The following SPTSSB variants were observed in gnomAD, a reference collection of about 807,000 sequenced individuals.
SPTSSB encodes androgen down regulated in mouse prostate.
Under a neutral mutation model 7.7 loss-of-function variants are expected in SPTSSB, and 6 were observed. The ratio of observed to expected loss-of-function variants is 0.78; its 90% CI spans 0.43 to 1.54. The LOEUF (loss-of-function observed/expected upper bound fraction) is 1.54. Among genes scored for constraint, SPTSSB ranks in the 40% most tolerant of loss-of-function variants. The pLI, the probability that SPTSSB is intolerant of heterozygous loss-of-function variation, is 0.01. For missense variants in SPTSSB, 91 were observed against 93.0 expected (o/e 0.98, Z 0.09); for synonymous variants, 28 against 29.7 (o/e 0.94, Z 0.19).
intron 2 of SPTSSB, among the ~76,000 whole-genome samples, chr3:161,357,782 C>CAA (rs34084737): frequency 0.012 from 1,866 of 150,092 alleles, 44 homozygotes; most frequent in African/African-American, 0.043. Context: ...AGCCACAAGC[C>CAA]AAAAAAAAAT....
rs1314458910 is a variant in SPTSSB at position 161,346,297 on chromosome 3, A to G, written c.27T>C (p.Tyr9=). The G allele has an allele frequency of 6.2e-7, 1 of 1,613,524 alleles. No homozygotes were observed. Among genetic ancestry groups the G allele is most frequent in the East Asian group, 2.2e-5 (1 of 44,850 alleles). The part of the protein sequence containing the change: MDLRRVKE[Y]FSWLYYQYQI... ...GGTATTGATAGTAGAGCCAGGAGAA[A>G]TATTCCTTCACACGCCTCAAATCCA... Residue 9 remains tyrosine (Y), a synonymous_variant, in exon 3 of 3, where the codon TAT becomes TAC. Coordinates refer to ENST00000620149, the MANE Select transcript of SPTSSB (RefSeq NM_001040100.2).
intron 2 of SPTSSB, among the ~76,000 whole-genome samples, chr3:161,357,251 T>C (rs920254665): frequency 6.6e-6 from 1 of 152,222 alleles, no homozygotes; most frequent in Non-Finnish European, 1.5e-5. Context: ...ATAAATCGCT[T>C]AGATTTTATA....
chr3:161,369,302 CTTTCTTTCTTTCTCTT>C (rs1560108960), intron 1 of SPTSSB, among the ~76,000 whole-genome samples: 3 of 57,776 alleles, frequency 5.2e-5, no homozygotes, highest in Non-Finnish European at 8.6e-5. Flanking sequence ...TTCTTTCTTT[CTTTCTTTCTTTCTCTT>C]TCTTTCTTTC....
intron 1 of SPTSSB, among the ~76,000 whole-genome samples, chr3:161,366,913 G>A (rs982534883): frequency 3.3e-5 from 5 of 152,166 alleles, no homozygotes; most frequent in African/African-American, 4.8e-5. Flanking sequence ...AGTGGCTCAC[G>A]TCTATAATCC....
At chr3:161,359,651 A>G (rs62279924) in intron 2 of SPTSSB, 151 bp downstream of exon 2, 35,698 of 842,636 alleles carry the variant, frequency 0.042, 824 homozygotes, top group Middle Eastern at 0.055. Context: ...ATTCCTTTGT[A>G]TCATCTCAAA....
At chr3:161,371,344 T>C (rs1715501252) in intron 1 of SPTSSB, 91 bp downstream of exon 1, 3 of 823,524 alleles carry the variant, frequency 3.6e-6, no homozygotes, top group Non-Finnish European at 4.4e-6. Context: ...GCATTAAAGC[T>C]CAGTATTAAT....
intron 2 of SPTSSB, among the ~76,000 whole-genome samples, chr3:161,355,399 A>T (rs1714726744): frequency 6.6e-6 from 1 of 152,232 alleles, no homozygotes; most frequent in African/African-American, 2.4e-5. Context: ...TTAAAGGTGT[A>T]TCCACATTCA....
Position 161,345,239 on chromosome 3 carries a change from A to G in SPTSSB, c.*854T>C, listed in dbSNP as rs1714157387. The stretch of plus-strand genomic sequence containing the variant: ...GCTGGTAGAATATTACTTCCAGCCT[A>G]TTTATTAGCTTGTCTTCCGGTGGCC... On this transcript the variant is annotated 3_prime_UTR_variant, in exon 3 of 3. Coordinates refer to ENST00000620149, the MANE Select transcript of SPTSSB (RefSeq NM_001040100.2). 1.3e-5 allele frequency: 2 copies of G among 152,568 alleles called. No individual in the cohort carries two copies. The highest frequency in any genetic ancestry group is 4.8e-5 in the African/African-American group (2 of 41,448). The allele number at this position is 152,568 out of a possible 1,614,324, so 9.5% of individuals were successfully genotyped here.
At position 161,371,479 on chromosome 3, in the gene SPTSSB, G is replaced by T. The variant is rs1715514204; in HGVS notation, c.-170C>A. 3.0e-6 allele frequency: 3 copies of T among 985,406 alleles called. No homozygotes were observed. The highest frequency in any genetic ancestry group is 2.4e-6 in the Non-Finnish European group (2 of 830,022). The allele number at this position is 985,406 out of a possible 1,614,324, so 61.0% of individuals were successfully genotyped here. A position where few individuals can be genotyped will look rare whatever the true frequency, so the allele number is the denominator to read the frequency against. On this transcript the variant is annotated 5_prime_UTR_variant, in exon 1 of 3. Coordinates refer to ENST00000620149, the MANE Select transcript of SPTSSB (RefSeq NM_001040100.2). ...CCCTGCGGCTTAGGTGAGCGCCGAG[G>T]CTTTGGCTCCTCCCCAGCTGCTGCG...
intron 1 of SPTSSB, among the ~76,000 whole-genome samples, chr3:161,361,363 G>A (rs1490386371): frequency 2.6e-5 from 4 of 152,242 alleles, no homozygotes; most frequent in Admixed American, 1.3e-4. Context: ...TATGCATCAG[G>A]AGGCAGGTTT....
intron 2 of SPTSSB, among the ~76,000 whole-genome samples, chr3:161,353,105 C>A (rs559093741): frequency 6.6e-6 from 1 of 152,176 alleles, no homozygotes; most frequent in East Asian, 1.9e-4. Context: ...ATTCCAAAAT[C>A]TTCTTGTGTC....
rs541832402 is a variant in SPTSSB at position 161,346,483 on chromosome 3, T to C, written c.-32-128A>G. The C allele has an allele frequency of 1.4e-5, 7 of 497,010 alleles. No individual in the cohort carries two copies. The South Asian group carries it at 2.2e-4, about 15-fold the overall frequency. The allele number at this position is 497,010 out of a possible 1,614,324, so 30.8% of individuals were successfully genotyped here. A position where few individuals can be genotyped will look rare whatever the true frequency, so the allele number is the denominator to read the frequency against. ...GATCATTGAATATATTATTAATATATGAATATTCTGTAAAATAATACATAC... is the reference window on the plus strand; with the variant it reads ...GATCATTGAATATATTATTAATATACGAATATTCTGTAAAATAATACATAC... On this transcript the variant is annotated intron_variant, in intron 2 of 2. Coordinates refer to ENST00000620149, the MANE Select transcript of SPTSSB (RefSeq NM_001040100.2).
intron 2 of SPTSSB, among the ~76,000 whole-genome samples, chr3:161,347,137 C>G (rs977640254): frequency 6.6e-6 from 1 of 152,124 alleles, no homozygotes; most frequent in Non-Finnish European, 1.5e-5. Context: ...ATTACTGTTT[C>G]AGAATCAACA....
chr3:161,354,715 T>G (rs1338173389), intron 2 of SPTSSB, among the ~76,000 whole-genome samples: 1 of 152,242 alleles, frequency 6.6e-6, no homozygotes, highest in Non-Finnish European at 1.5e-5. Flanking sequence ...AAACATGTAT[T>G]TCTAGTCCAA....
At chr3:161,356,654 C>T (rs1714782866) in intron 2 of SPTSSB, among the ~76,000 whole-genome samples, 1 of 152,084 alleles carries the variant, frequency 6.6e-6, no homozygotes, top group African/African-American at 2.4e-5. Context: ...TCTGCTTATT[C>T]TTTATTTCTT....
chr3:161,345,332 T>C lies in SPTSSB; in HGVS notation c.*761A>G, dbSNP rs1460121789. 1 of 152,500 alleles carries C rather than the reference T, an allele frequency of 6.6e-6. No individual in the cohort carries two copies. The highest frequency in any genetic ancestry group is 1.5e-5 in the Non-Finnish European group (1 of 68,004). 9.4% of individuals were successfully genotyped at this position (152,500 alleles called of 1,614,324 possible). On this transcript the variant is annotated 3_prime_UTR_variant, in exon 3 of 3. Coordinates refer to ENST00000620149, the MANE Select transcript of SPTSSB (RefSeq NM_001040100.2). ...AAGAAAACCATTTCTTTTCTCTTTT[T>C]CCCCCAGCATCATGCAAGGCAAGGC... is the stretch of plus-strand genomic sequence containing the variant.
In SPTSSB at chr3:161,346,238, C is replaced by G. The variant is rs1714222865; in HGVS notation, c.86G>C (p.Trp29Ser). Residue 29 changes from tryptophan (W) to serine (S), a missense_variant, in exon 3 of 3, where the codon TGG becomes TCG. Transcript: ENST00000620149. Reference protein sequence around the residue: ...IISCCAVLEPWERSMFNTILL... With the variant: ...IISCCAVLEPSERSMFNTILL... ...GATGGTGTTAAACATAGATCGCTCCCAGGGCTCTAAAACAGCACAGCAGCT... is the reference window on the plus strand; with the variant it reads ...GATGGTGTTAAACATAGATCGCTCCGAGGGCTCTAAAACAGCACAGCAGCT... 6.2e-7 allele frequency: 1 copy of G among 1,613,696 alleles called. No individual in the cohort carries two copies. Among genetic ancestry groups the G allele is most frequent in the Non-Finnish European group, 8.5e-7 (1 of 1,179,758 alleles).
At chr3:161,349,040 C>G (rs942163730) in intron 2 of SPTSSB, among the ~76,000 whole-genome samples, 2 of 152,150 alleles carry the variant, frequency 1.3e-5, no homozygotes, top group Non-Finnish European at 2.9e-5. Flanking sequence ...GAAAAAACCA[C>G]TTTAGACAAT....
intron 2 of SPTSSB, 26 bp downstream of exon 2, chr3:161,359,776 C>T (rs899819941): frequency 7.1e-6 from 7 of 985,282 alleles, no homozygotes; most frequent in Non-Finnish European, 8.4e-6. Flanking sequence ...AAGCAAGTCT[C>T]CGTGATATAA....
Sources: allele counts gnomAD v4.1 joint callset (sites outside exome capture counted in the v4.1 genomes callset), GRCh38; gene constraint gnomAD v4.1.1; transcripts MANE v1.5; gene names NCBI Gene and HGNC (gene_info 2026-07-23, HGNC 2026-07-21).